The following C10orf67 variants were observed in gnomAD, a reference collection of about 807,000 sequenced individuals.
C10orf67 encodes the protein uncharacterized protein C10orf67, mitochondrial.
In C10orf67, 60 loss-of-function variants were observed where a neutral mutation model predicts 35.6. That is an observed-to-expected ratio of 1.68 (90% CI 1.37 to 2.09). The LOEUF (loss-of-function observed/expected upper bound fraction) is 2.09, where lower values mean the gene tolerates loss of function less well. C10orf67 is among the 30% of genes most tolerant of loss of function. C10orf67 has a pLI of 0.00. For missense variants in C10orf67, 474 were observed against 330.2 expected, an observed-to-expected ratio of 1.44 and a Z score of -3.38; for synonymous variants, 167 against 115.8, an observed-to-expected ratio of 1.44 and a Z score of -2.84.
chr10:23,249,131 CAAAAA>C (rs57702096), intron 12 of C10orf67, among the ~76,000 whole-genome samples: 95 of 21,566 alleles, frequency 4.4e-3, no homozygotes, highest in African/African-American at 0.012. Context: ...AACTCCCTCT[CAAAAA>C]AAAAAAAAAA....
At chr10:23,230,947 G>A (rs1841889762) in intron 13 of C10orf67, among the ~76,000 whole-genome samples, 2 of 152,206 alleles carry the variant, frequency 1.3e-5, no homozygotes, top group Admixed American at 1.3e-4. Flanking sequence ...GCTATTTATT[G>A]TCCTTCAATA....
chr10:23,207,919 A>C (rs1031491832), intron 15 of C10orf67, among the ~76,000 whole-genome samples: 1 of 152,160 alleles, frequency 6.6e-6, no homozygotes, highest in Non-Finnish European at 1.5e-5. Flanking sequence ...AAATTATGCA[A>C]TGTTCACAGA....
chr10:23,309,353 A>G (rs138571328), intron 4 of C10orf67, among the ~76,000 whole-genome samples: 1 of 152,204 alleles, frequency 6.6e-6, no homozygotes, highest in Admixed American at 6.5e-5. Context: ...ACACATGAAC[A>G]TAAGGACGAA....
Position 23,344,603 on chromosome 10 carries a change from C to A in C10orf67, c.172G>T (p.Glu58Ter), listed in dbSNP as rs1473324520. The A allele has an allele frequency of 6.3e-7, 1 of 1,581,814 alleles. No individual in the cohort carries two copies. The highest frequency in any genetic ancestry group is 1.8e-5 in the Admixed American group (1 of 55,168). The change falls in exon 1 of 16, where the codon GAA (glutamate) becomes TAA (stop). Residue 58 changes from glutamate to a stop codon, truncating the protein, a stop_gained. Transcript: ENST00000636213. LOFTEE classifies it high-confidence loss of function. ...CCARRKREAR[E>*]FKPPQMRGST... The stretch of plus-strand genomic sequence containing the variant: ...CCGCGCATTTGCGGGGGCTTGAATT[C>A]CCGAGCTTCTCGCTTCCTACGCGCG...
intron 1 of C10orf67, among the ~76,000 whole-genome samples, chr10:23,341,253 T>C (rs1348141053): frequency 2.0e-5 from 3 of 152,210 alleles, no homozygotes; most frequent in African/African-American, 4.8e-5. Flanking sequence ...TCTAATCAAC[T>C]ACCTACTTAA....
intron 15 of C10orf67, among the ~76,000 whole-genome samples, chr10:23,204,993 A>G (rs1841120753): frequency 6.6e-6 from 1 of 152,208 alleles, no homozygotes; most frequent in Non-Finnish European, 1.5e-5. Context: ...GGTCACCGGT[A>G]GGTGTCAATG....
At chr10:23,254,273 T>C (rs1206442529) in intron 10 of C10orf67, among the ~76,000 whole-genome samples, 1 of 152,204 alleles carries the variant, frequency 6.6e-6, no homozygotes, top group African/African-American at 2.4e-5. Flanking sequence ...AATGGCACAA[T>C]ATCAGCTCAC....
intron 4 of C10orf67, among the ~76,000 whole-genome samples, chr10:23,304,600 CTA>C (rs1418395147): frequency 1.3e-5 from 2 of 151,946 alleles, no homozygotes; most frequent in East Asian, 1.9e-4. Context: ...GCACACCTTT[CTA>C]TGTCTCTGGA....
chr10:23,269,396 T>C (rs1382445605), intron 8 of C10orf67, among the ~76,000 whole-genome samples: 1 of 152,268 alleles, frequency 6.6e-6, no homozygotes, highest in Non-Finnish European at 1.5e-5. Flanking sequence ...TGCTATAAGA[T>C]AGAGCCAAAT....
intron 15 of C10orf67, among the ~76,000 whole-genome samples, chr10:23,216,064 T>C (rs1024658722): frequency 6.6e-6 from 1 of 152,174 alleles, no homozygotes; most frequent in Non-Finnish European, 1.5e-5. Flanking sequence ...CACTGACTGC[T>C]CTATTACAGT....
At chr10:23,237,677 C>T (rs1484736612) in intron 13 of C10orf67, among the ~76,000 whole-genome samples, 3 of 152,152 alleles carry the variant, frequency 2.0e-5, no homozygotes, top group Admixed American at 1.3e-4. Context: ...ATGGGCCAGA[C>T]ATAGCAAAGT....
At chr10:23,336,041 G>T (rs563128294) in intron 1 of C10orf67, among the ~76,000 whole-genome samples, 169 of 152,304 alleles carry the variant, frequency 1.1e-3, no homozygotes, top group African/African-American at 3.9e-3. Context: ...TGGGAGTCAG[G>T]CATAGAAGAA....
At chr10:23,305,497 T>C (rs1380238967) in intron 4 of C10orf67, among the ~76,000 whole-genome samples, 3 of 152,058 alleles carry the variant, frequency 2.0e-5, no homozygotes, top group African/African-American at 7.2e-5. Flanking sequence ...AAAGAAAAGA[T>C]TAAAAAATGG....
chr10:23,213,608 C>T (rs1012680279), intron 15 of C10orf67, among the ~76,000 whole-genome samples: 18 of 152,142 alleles, frequency 1.2e-4, no homozygotes, highest in Admixed American at 2.0e-4. Context: ...TTACCATCAA[C>T]AGGCCCTCAC....
At chr10:23,295,032 TCAGTCAGGAGGGGAGAGCAGAG>T (rs1184028652) in intron 5 of C10orf67, among the ~76,000 whole-genome samples, 1 of 152,180 alleles carries the variant, frequency 6.6e-6, no homozygotes, top group Non-Finnish European at 1.5e-5. Context: ...TCCATCACCC[TCAGTCAGGAGGGGAGAGCAGAG>T]CAGTCAGGAG....
At chr10:23,254,399 G>A (rs1329980550) in intron 10 of C10orf67, among the ~76,000 whole-genome samples, 1 of 152,030 alleles carries the variant, frequency 6.6e-6, no homozygotes, top group East Asian at 1.9e-4. Context: ...TAGTAGAGAC[G>A]GGGTTTCACC....
chr10:23,253,009 G>A (rs193182187), intron 10 of C10orf67, among the ~76,000 whole-genome samples: 2 of 152,146 alleles, frequency 1.3e-5, no homozygotes, highest in East Asian at 1.9e-4. Context: ...TTAAAAATGG[G>A]AGTTTCTCTG....
intron 5 of C10orf67, among the ~76,000 whole-genome samples, chr10:23,293,360 A>G (rs944497229): frequency 5.9e-5 from 9 of 152,206 alleles, no homozygotes; most frequent in Non-Finnish European, 1.2e-4. Flanking sequence ...CAAGTAATTA[A>G]CTATTCAGAC....
At chr10:23,321,073 T>C (rs1283552466) in intron 3 of C10orf67, among the ~76,000 whole-genome samples, 7 of 152,366 alleles carry the variant, frequency 4.6e-5, no homozygotes, top group South Asian at 2.1e-4. Flanking sequence ...CATTTTTCAC[T>C]TGAGTAAAGT....
Sources: allele counts gnomAD v4.1 joint callset (sites outside exome capture counted in the v4.1 genomes callset), GRCh38; gene constraint gnomAD v4.1.1; transcripts MANE v1.5; gene names NCBI Gene and HGNC (gene_info 2026-07-23, HGNC 2026-07-21).